Variants in FGF9 observed in about 807,000 individuals in gnomAD.
FGF9 encodes fibroblast growth factor 9, also known as fibroblast growth factor 9 (glia-activating factor).
Under a neutral mutation model 19.9 loss-of-function variants are expected in FGF9, and 3 were observed. That is an observed-to-expected ratio of 0.15 (90% CI 0.07 to 0.39). FGF9 has a LOEUF of 0.39. Ranked by LOEUF, FGF9 falls within the 10% of genes least tolerant of loss-of-function variation. FGF9 has a pLI of 1.00. For synonymous variants in FGF9, 107 were observed against 106.9 expected, an observed-to-expected ratio of 1.00 and a Z score of -0.01; for missense variants, 175 against 256.8, an observed-to-expected ratio of 0.68 and a Z score of 2.18.
chr13:21,681,463 A>G (rs1212747342), intron 2 of FGF9, among the ~76,000 whole-genome samples: 1 of 152,226 alleles, frequency 6.6e-6, no homozygotes, highest in Non-Finnish European at 1.5e-5. Flanking sequence ...ATGAATTGAA[A>G]TGATCTCCTC....
At chr13:21,679,517 A>C (rs1871989016) in intron 1 of FGF9, among the ~76,000 whole-genome samples, 2 of 152,096 alleles carry the variant, frequency 1.3e-5, no homozygotes, top group Non-Finnish European at 2.9e-5. Flanking sequence ...TGTAAGTAAA[A>C]TTTTTAATAT....
At chr13:21,675,940 C>A (rs1210264373) in intron 1 of FGF9, among the ~76,000 whole-genome samples, 1 of 142,972 alleles carries the variant, frequency 7.0e-6, no homozygotes, top group Non-Finnish European at 1.5e-5. Context: ...TTTTTTTTTT[C>A]CCCCTCGGAT....
chr13:21,692,982 T>A (rs1422653293), intron 2 of FGF9, among the ~76,000 whole-genome samples: 1 of 152,238 alleles, frequency 6.6e-6, no homozygotes, highest in Non-Finnish European at 1.5e-5. Context: ...TTTGTGATTA[T>A]ACTTATTATT....
chr13:21,698,175 GTGGTGGC>G (rs1254678170), intron 2 of FGF9, among the ~76,000 whole-genome samples: 2 of 152,170 alleles, frequency 1.3e-5, no homozygotes, highest in African/African-American at 4.8e-5. Context: ...TCCCAAGAGG[GTGGTGGC>G]TGTGCTAGGG....
intron 2 of FGF9, among the ~76,000 whole-genome samples, chr13:21,686,183 C>G (rs980961314): frequency 6.6e-6 from 1 of 152,198 alleles, no homozygotes; most frequent in South Asian, 2.1e-4. Flanking sequence ...TGCGTGCCAC[C>G]AAGCCTGGCT....
At chr13:21,685,104 A>G (rs1171414484) in intron 2 of FGF9, among the ~76,000 whole-genome samples, 1 of 152,186 alleles carries the variant, frequency 6.6e-6, no homozygotes, top group Non-Finnish European at 1.5e-5. Context: ...GAAACGGGCA[A>G]TGGTTGTGTT....
rs1455757180 is a variant in FGF9, at chr13:21,703,455, A to G, written c.*2020A>G. 1 of 152,222 alleles carries G rather than the reference A, an allele frequency of 6.6e-6. No homozygotes were observed. Among genetic ancestry groups the G allele is most frequent in the African/African-American group, 2.4e-5 (1 of 41,472 alleles). 9.4% of individuals were successfully genotyped at this position (152,222 alleles called of 1,614,324 possible). On this transcript the variant is annotated 3_prime_UTR_variant, in exon 3 of 3. Transcript: ENST00000382353. ...ATTTTAGGGGGAGGGGACAGAAGCA[A>G]TGTAAAATAGTTGATTTATGATAAA...
At chr13:21,697,056 C>G (rs774208675) in intron 2 of FGF9, among the ~76,000 whole-genome samples, 6 of 152,194 alleles carry the variant, frequency 3.9e-5, no homozygotes, top group Non-Finnish European at 8.8e-5. Flanking sequence ...TCTCATTTAA[C>G]TTGTTGACTG....
intron 1 of FGF9, among the ~76,000 whole-genome samples, chr13:21,679,551 A>G (rs1448967559): frequency 6.6e-6 from 1 of 152,114 alleles, no homozygotes; most frequent in East Asian, 1.9e-4. Flanking sequence ...TAAAACAAGA[A>G]CTCAATATTT....
chr13:21,695,369 G>A (rs956651092), intron 2 of FGF9, among the ~76,000 whole-genome samples: 1 of 152,042 alleles, frequency 6.6e-6, no homozygotes, highest in Non-Finnish European at 1.5e-5. Context: ...CAATTCTGGT[G>A]GCAATTTTGA....
rs759113908 is a variant in FGF9 at position 21,701,216 on chromosome 13, C to G, written c.408C>G (p.Phe136Leu). The G allele has an allele frequency of 6.2e-7, 1 of 1,613,656 alleles. No individual in the cohort carries two copies. Among genetic ancestry groups the G allele is most frequent in the Non-Finnish European group, 8.5e-7 (1 of 1,179,780 alleles). ...GSEKLTQECV[F>L]REQFEENWYN... Reference sequence around the variant, plus strand: ...AAAAACTAACCCAAGAGTGTGTATTCAGAGAACAGTTCGAAGAAAACTGGT... The same window carrying G: ...AAAAACTAACCCAAGAGTGTGTATTGAGAGAACAGTTCGAAGAAAACTGGT... The change falls in exon 3 of 3, where the codon TTC becomes TTG. Residue 136 changes from phenylalanine (F) to leucine (L), a missense_variant. Physicochemically the swap from Phe to Leu is conservative, Grantham distance 22 (BLOSUM62 0). Around this residue, in one of 3 missense-constraint regions of FGF9, gnomAD observed 101 missense variants for 160.7 expected, o/e 0.63. Transcript: ENST00000382353.
At chr13:21,680,853 T>A (rs1256899667) in intron 1 of FGF9, among the ~76,000 whole-genome samples, 189 bp from the exon 2 acceptor site, 1 of 152,240 alleles carries the variant, frequency 6.6e-6, no homozygotes, top group Non-Finnish European at 1.5e-5. Flanking sequence ...TATGATAAGA[T>A]AGAATTTAGT....
chr13:21,699,146 G>C (rs1339177362), intron 2 of FGF9, among the ~76,000 whole-genome samples: 2 of 152,148 alleles, frequency 1.3e-5, no homozygotes, highest in African/African-American at 2.4e-5. Context: ...ACCCCTCTAG[G>C]CCCACATGCA....
At chr13:21,681,589 T>TG (rs1349342270) in intron 2 of FGF9, among the ~76,000 whole-genome samples, 1 of 152,218 alleles carries the variant, frequency 6.6e-6, no homozygotes, top group Non-Finnish European at 1.5e-5. Context: ...AGATGGAAAT[T>TG]GTTGTCAGAT....
Position 21,672,332 on chromosome 13 carries a change from CTG to C in FGF9, c.277+145_277+146del. ...TCTGTATCTCTGTCTCTCTCTCTCT[CTG>C]TCTTGCCAGCTCCGAAAAAAAAATG... On this transcript the variant is annotated intron_variant, in intron 1 of 2. Transcript: ENST00000382353. The surrounding 1 kb of genome is among the most constrained non-coding windows in gnomAD (Gnocchi z 4.2). 1 of 918,290 alleles carries C rather than the reference CTG, an allele frequency of 1.1e-6. No individual in the cohort carries two copies. Among genetic ancestry groups the C allele is most frequent in the Non-Finnish European group, 1.7e-6 (1 of 587,030 alleles). 56.9% of individuals were successfully genotyped at this position (918,290 alleles called of 1,614,324 possible).
In FGF9 at chr13:21,701,668, GAA is replaced by G; in HGVS notation, c.*234_*235del. 2 of 535,026 alleles carry G rather than the reference GAA, an allele frequency of 3.7e-6. No homozygotes were observed. Among genetic ancestry groups the G allele is most frequent in the Non-Finnish European group, 6.7e-6 (2 of 297,308 alleles). The allele number at this position is 535,026 out of a possible 1,614,324, so 33.1% of individuals were successfully genotyped here. The stretch of plus-strand genomic sequence containing the variant: ...GCCACTTGCTTGATTTATCATGAGA[GAA>G]GAGGAGAGAGAGAGAGACTGAGCGC... On this transcript the variant is annotated 3_prime_UTR_variant, in exon 3 of 3. Transcript: ENST00000382353.
intron 1 of FGF9, among the ~76,000 whole-genome samples, chr13:21,673,249 A>G (rs1240283692): frequency 6.6e-6 from 1 of 152,196 alleles, no homozygotes; most frequent in Admixed American, 6.5e-5. Flanking sequence ...ACTAGGTCGT[A>G]AAAAACAAAG....
intron 2 of FGF9, among the ~76,000 whole-genome samples, chr13:21,689,979 A>G (rs952077115): frequency 2.0e-5 from 3 of 152,122 alleles, no homozygotes; most frequent in Non-Finnish European, 2.9e-5. Context: ...TGTTTTCAGA[A>G]TGGATTGTTC....
chr13:21,679,743 C>T (rs1593092139), intron 1 of FGF9, among the ~76,000 whole-genome samples: 1 of 148,400 alleles, frequency 6.7e-6, no homozygotes, highest in Non-Finnish European at 1.5e-5. Flanking sequence ...TTGAGACCAT[C>T]CTGGCTAACA....
Sources: allele counts gnomAD v4.1 joint callset (sites outside exome capture counted in the v4.1 genomes callset), GRCh38; gene constraint gnomAD v4.1.1; regional missense constraint gnomAD v4.1.1; non-coding constraint Gnocchi (gnomAD v3.1); transcripts MANE v1.5; gene names NCBI Gene and HGNC (gene_info 2026-07-23, HGNC 2026-07-21).